DPYD: variants seen among roughly 807,000 people sequenced by gnomAD.
DPYD encodes the protein dihydropyrimidine dehydrogenase.
DPYD carries 109 observed loss-of-function variants against 116.2 expected under a neutral mutation model. The ratio of observed to expected loss-of-function variants is 0.94; its 90% confidence interval spans 0.80 to 1.10. DPYD has a LOEUF of 1.10. DPYD is among the 50% of genes least tolerant of loss of function. The pLI is 0.00. For synonymous variants in DPYD, 440 were observed against 432.0 expected, an observed-to-expected ratio of 1.02 and a Z score of -0.23; for missense variants, 1,302 against 1,254.5, an observed-to-expected ratio of 1.04 and a Z score of -0.57.
At chr1:97,406,050 T>A (rs900731032) in intron 14 of DPYD, among the ~76,000 whole-genome samples, 1 of 152,070 alleles carries the variant, frequency 6.6e-6, no homozygotes, top group Non-Finnish European at 1.5e-5. Context: ...TTTTTAACTC[T>A]CAGACTTGTC....
At chr1:97,790,251 T>C (rs1187702305) in intron 3 of DPYD, among the ~76,000 whole-genome samples, 2 of 152,210 alleles carry the variant, frequency 1.3e-5, no homozygotes, top group South Asian at 2.1e-4. Flanking sequence ...ATACTCTTCA[T>C]GGACCCAGCT....
intron 18 of DPYD, among the ~76,000 whole-genome samples, chr1:97,246,486 G>A (rs1662726418): frequency 6.6e-6 from 1 of 152,184 alleles, no homozygotes; most frequent in African/African-American, 2.4e-5. Flanking sequence ...TGAAAGATAA[G>A]TGGGTAGGTC....
At chr1:97,558,324 T>C (rs983152874) in intron 11 of DPYD, among the ~76,000 whole-genome samples, 1 of 152,160 alleles carries the variant, frequency 6.6e-6, no homozygotes, top group East Asian at 1.9e-4. Flanking sequence ...AATTGGCATA[T>C]AAGGGGAATC....
At chr1:97,363,465 G>A (rs1241912703) in intron 16 of DPYD, among the ~76,000 whole-genome samples, 1 of 152,132 alleles carries the variant, frequency 6.6e-6, no homozygotes, top group Admixed American at 6.6e-5. Flanking sequence ...TATACAAAAA[G>A]GATTATAAAT....
intron 22 of DPYD, among the ~76,000 whole-genome samples, chr1:97,080,251 C>A (rs763557736): frequency 6.6e-6 from 1 of 151,974 alleles, no homozygotes; most frequent in African/African-American, 2.4e-5. Flanking sequence ...TGTCTCTCCA[C>A]CCCCATGGTA....
At chr1:97,695,909 C>T (rs922144681) in intron 6 of DPYD, among the ~76,000 whole-genome samples, 6 of 151,978 alleles carry the variant, frequency 3.9e-5, no homozygotes, top group Admixed American at 2.6e-4. Context: ...GTGGGTAGAT[C>T]GCTTGAGGTC....
intron 20 of DPYD, among the ~76,000 whole-genome samples, chr1:97,165,223 A>G (rs1040889236): frequency 6.6e-6 from 1 of 152,192 alleles, no homozygotes; most frequent in Non-Finnish European, 1.5e-5. Flanking sequence ...TACTGGTACA[A>G]AAACAGACAC....
rs564061215 is a variant in DPYD, at chr1:97,735,392, G to A, written c.321+5000C>T. Among the ~76,000 whole-genome samples the A allele has an allele frequency of 2.0e-5, 3 of 151,882 alleles. No individual in the cohort carries two copies. The East Asian group carries it at 5.8e-4, about 29-fold the overall frequency. On this transcript the variant is annotated intron_variant, in intron 4 of 22. Coordinates refer to ENST00000370192, the MANE Select transcript of DPYD (RefSeq NM_000110.4). ...ATATTTTAAGTTTTAAGAAATAAAA[G>A]GCGGCCAGGTGCGGTGGCTCACGCC...
chr1:97,916,362 A>T (rs1330806224), intron 1 of DPYD, among the ~76,000 whole-genome samples: 1 of 152,010 alleles, frequency 6.6e-6, no homozygotes, highest in South Asian at 2.1e-4. Flanking sequence ...CCGGTGTGTG[A>T]TGTTCCCCTT....
At chr1:97,898,117 A>G (rs1263258477) in intron 1 of DPYD, among the ~76,000 whole-genome samples, 1 of 139,754 alleles carries the variant, frequency 7.2e-6, no homozygotes, top group African/African-American at 2.5e-5. Context: ...TGAATACCCA[A>G]TGTCGTATGA....
intron 10 of DPYD, among the ~76,000 whole-genome samples, chr1:97,579,863 C>T (rs950986409): frequency 2.0e-5 from 3 of 152,134 alleles, no homozygotes; most frequent in Admixed American, 2.0e-4. Context: ...TCTTTTTACA[C>T]AGTAGTGGGA....
intron 20 of DPYD, among the ~76,000 whole-genome samples, chr1:97,184,091 A>T (rs867760378): frequency 3.9e-5 from 6 of 152,072 alleles, no homozygotes; most frequent in Non-Finnish European, 8.8e-5. Flanking sequence ...CATAAAAGAC[A>T]CATCTCGTTC....
At chr1:97,831,920 C>T (rs1240127663) in intron 2 of DPYD, among the ~76,000 whole-genome samples, 3 of 151,840 alleles carry the variant, frequency 2.0e-5, no homozygotes, top group Non-Finnish European at 2.9e-5. Context: ...AATTTAATGC[C>T]GACCAGACAT....
intron 18 of DPYD, among the ~76,000 whole-genome samples, chr1:97,254,592 G>A (rs1309264118): frequency 1.3e-5 from 2 of 152,100 alleles, no homozygotes; most frequent in African/African-American, 2.4e-5. Flanking sequence ...AGGCTGTTTG[G>A]CAGCCAAAGG....
intron 21 of DPYD, among the ~76,000 whole-genome samples, chr1:97,093,238 T>A (rs1650012407): frequency 6.6e-6 from 1 of 152,200 alleles, no homozygotes; most frequent in Non-Finnish European, 1.5e-5. Flanking sequence ...AGAAGCTGTG[T>A]ATGTTTTATT....
At chr1:97,916,788 G>A (rs769915890) in intron 1 of DPYD, among the ~76,000 whole-genome samples, 5 of 152,100 alleles carry the variant, frequency 3.3e-5, no homozygotes, top group African/African-American at 9.7e-5. Flanking sequence ...TGAAAGGTTC[G>A]CTTGAGCCCA....
At chr1:97,584,515 G>A (rs1653941716) in intron 10 of DPYD, among the ~76,000 whole-genome samples, 1 of 151,970 alleles carries the variant, frequency 6.6e-6, no homozygotes. Flanking sequence ...TATTGCCTAG[G>A]TCTTCTTCCA....
intron 16 of DPYD, among the ~76,000 whole-genome samples, chr1:97,362,214 A>G (rs1460400130): frequency 2.0e-5 from 3 of 152,352 alleles, no homozygotes; most frequent in Non-Finnish European, 2.9e-5. Flanking sequence ...ATTGCTACAG[A>G]GAATAAAATA....
At chr1:97,788,225 T>C (rs530302740) in intron 3 of DPYD, among the ~76,000 whole-genome samples, 61 of 152,316 alleles carry the variant, frequency 4.0e-4, no homozygotes, top group African/African-American at 1.5e-3. Context: ...TGGACTACTT[T>C]GTGAGTTCCA....
Sources: gnomAD v4.1 joint callset for allele counts (sites outside exome capture counted in the v4.1 genomes callset) on GRCh38, gnomAD v4.1.1 for gene constraint, MANE v1.5 for transcripts, NCBI Gene and HGNC (gene_info 2026-07-23, HGNC 2026-07-21) for gene names.